Variants in DCC observed in about 807,000 individuals in gnomAD.
DCC encodes netrin receptor DCC.
In DCC, 58 loss-of-function variants were observed where a neutral mutation model predicts 172.5. That is an observed-to-expected ratio of 0.34 (90% CI 0.27 to 0.42). The LOEUF (loss-of-function observed/expected upper bound fraction) is 0.42. DCC is among the 10% of genes least tolerant of loss of function. The probability of loss-of-function intolerance (pLI) is 1.00; values close to 1 mark genes in which losing one functional copy is unlikely to be tolerated. For synonymous variants in DCC, 709 were observed against 644.5 expected (o/e 1.10, Z -1.52); for missense variants, 1,740 against 1,791.0 (o/e 0.97, Z 0.51).
chr18:52,888,304 A>T (rs981005376), intron 2 of DCC, among the ~76,000 whole-genome samples: 2 of 152,240 alleles, frequency 1.3e-5, no homozygotes, highest in African/African-American at 4.8e-5. Context: ...TGTATTAACA[A>T]CAAGGACAAA....
At chr18:52,613,281 AGTCTCTCTCT>A (rs2144844527) in intron 1 of DCC, among the ~76,000 whole-genome samples, 1 of 152,204 alleles carries the variant, frequency 6.6e-6, no homozygotes, top group South Asian at 2.1e-4. Flanking sequence ...TTTGAGACAG[AGTCTCTCTCT>A]GTAGCCCAGG....
At chr18:52,747,074 T>C (rs942822211) in intron 1 of DCC, among the ~76,000 whole-genome samples, 9 of 127,720 alleles carry the variant, frequency 7.0e-5, no homozygotes, top group Admixed American at 1.7e-4. Context: ...AATACATATA[T>C]GGCTTTATGC....
intron 23 of DCC, among the ~76,000 whole-genome samples, chr18:53,452,271 C>T (rs1486580935): frequency 1.3e-5 from 2 of 152,138 alleles, no homozygotes; most frequent in Non-Finnish European, 2.9e-5. Context: ...GGAGGCGGTA[C>T]CAAAATGACA....
chr18:52,377,997 G>A (rs555615956), intron 1 of DCC, among the ~76,000 whole-genome samples: 2 of 152,122 alleles, frequency 1.3e-5, no homozygotes, highest in Admixed American at 1.3e-4. Context: ...TCTGCGCCTG[G>A]CCAAGCCATT....
At chr18:53,448,062 T>TTTTTG (rs1912739077) in intron 22 of DCC, among the ~76,000 whole-genome samples, 5 of 151,124 alleles carry the variant, frequency 3.3e-5, no homozygotes, top group African/African-American at 1.2e-4. Context: ...TTTTTTTTTT[T>TTTTTG]TTTTTTTTAC....
intron 18 of DCC, among the ~76,000 whole-genome samples, chr18:53,400,373 A>G (rs953490111): frequency 3.3e-5 from 5 of 152,182 alleles, no homozygotes; most frequent in South Asian, 4.1e-4. Flanking sequence ...CACAGTGTTC[A>G]TGGGACAACA....
intron 1 of DCC, among the ~76,000 whole-genome samples, chr18:52,729,109 G>A: frequency 6.6e-6 from 1 of 152,200 alleles, no homozygotes; most frequent in East Asian, 1.9e-4. Context: ...AGAGAGAAAA[G>A]TAAGCTTTAC....
intron 1 of DCC, among the ~76,000 whole-genome samples, chr18:52,655,326 T>A (rs910936372): frequency 7.9e-5 from 12 of 152,272 alleles, no homozygotes; most frequent in Admixed American, 2.6e-4. Flanking sequence ...CTTTCTTATT[T>A]AATACTTTGA....
At chr18:52,357,936 T>TAA (rs59238295) in intron 1 of DCC, among the ~76,000 whole-genome samples, 3 of 123,400 alleles carry the variant, frequency 2.4e-5, no homozygotes, top group East Asian at 2.3e-4. Flanking sequence ...AGACTCTGTG[T>TAA]AAAAAAAAAA....
intron 1 of DCC, among the ~76,000 whole-genome samples, chr18:52,735,891 A>G (rs1287132226): frequency 6.6e-6 from 1 of 152,136 alleles, no homozygotes; most frequent in Non-Finnish European, 1.5e-5. Flanking sequence ...ACAATCACAC[A>G]TGACAAAGAG....
rs2040225934 is a variant in DCC at position 52,927,135 on chromosome 18, A to ATG, written c.985+1765_985+1766insTG. On this transcript the variant is annotated intron_variant, in intron 5 of 28. Transcript: ENST00000442544. ...TATATACGTGTATATACACGTATAT[A>ATG]CGTGTATATATGTGTATATATACGT... 1.8e-4 allele frequency among the ~76,000 whole-genome samples: 17 copies of ATG among 94,808 alleles called. 5 individuals carry two copies. Among genetic ancestry groups the ATG allele is most frequent in the Non-Finnish European group, 4.2e-4 (17 of 40,244 alleles). The allele number at this position is 94,808 out of a possible 152,430, so 62.2% of individuals were successfully genotyped here. A position where few individuals can be genotyped will look rare whatever the true frequency, so the allele number is the denominator to read the frequency against.
intron 1 of DCC, among the ~76,000 whole-genome samples, chr18:52,471,583 G>A (rs143862445): frequency 1.2e-4 from 19 of 152,246 alleles, no homozygotes; most frequent in African/African-American, 4.6e-4. Context: ...CTAACTCTGG[G>A]TTATGGTGAT....
At chr18:52,845,266 A>G (rs1211707830) in intron 2 of DCC, among the ~76,000 whole-genome samples, 1 of 152,234 alleles carries the variant, frequency 6.6e-6, no homozygotes, top group Non-Finnish European at 1.5e-5. Flanking sequence ...AGCTTACTTC[A>G]CTTCAGTGAA....
At chr18:53,343,252 T>G (rs117968264) in intron 15 of DCC, among the ~76,000 whole-genome samples, 1 of 152,016 alleles carries the variant, frequency 6.6e-6, no homozygotes, top group Non-Finnish European at 1.5e-5. Context: ...TGTCTGATCT[T>G]AGGAGAAAAA....
chr18:53,495,025 T>C (rs1214234312), intron 26 of DCC, among the ~76,000 whole-genome samples: 2 of 152,296 alleles, frequency 1.3e-5, no homozygotes, highest in African/African-American at 2.4e-5. Context: ...CAGCATTTGT[T>C]TGTCTGTAAA....
At chr18:53,233,887 G>T (rs1350180440) in intron 12 of DCC, among the ~76,000 whole-genome samples, 1 of 152,144 alleles carries the variant, frequency 6.6e-6, no homozygotes, top group Non-Finnish European at 1.5e-5. Context: ...GCCGAGTTGG[G>T]TGGATCACCT....
chr18:53,252,662 G>A (rs1353907487), intron 12 of DCC, among the ~76,000 whole-genome samples: 1 of 151,894 alleles, frequency 6.6e-6, no homozygotes, highest in Non-Finnish European at 1.5e-5. Flanking sequence ...TCAGAACTAG[G>A]AGAAGGGCTG....
In DCC at chr18:53,027,806, A is replaced by T. The variant is rs375710856; in HGVS notation, c.986-35499A>T. ...TAGCAATAACTTGCGTATAGTTTTG[A>T]CGCACGTCAAGAGCAGTTATTTTTT... On this transcript the variant is annotated intron_variant, in intron 5 of 28. Coordinates refer to ENST00000442544, the MANE Select transcript of DCC (RefSeq NM_005215.4). Among the ~76,000 whole-genome samples, 14 of 151,328 alleles carry T rather than the reference A, an allele frequency of 9.3e-5. 1 individual carries two copies. In the East Asian group the frequency reaches 1.2e-3, roughly 13 times the overall value.
intron 2 of DCC, among the ~76,000 whole-genome samples, chr18:52,814,161 G>A (rs1272787313): frequency 2.6e-5 from 4 of 152,202 alleles, no homozygotes; most frequent in Non-Finnish European, 5.9e-5. Context: ...TCGTGGGTTT[G>A]TGTTGCAGTG....
Sources: allele counts gnomAD v4.1 joint callset (sites outside exome capture counted in the v4.1 genomes callset), GRCh38; gene constraint gnomAD v4.1.1; transcripts MANE v1.5; gene names NCBI Gene and HGNC (gene_info 2026-07-23, HGNC 2026-07-21).